ERC2: variants seen among roughly 807,000 people sequenced by gnomAD.
The protein encoded by ERC2 is ERC protein 2.
Under a neutral mutation model 114.8 loss-of-function variants are expected in ERC2, and 42 were observed. That is an observed-to-expected ratio of 0.37 (90% CI 0.29 to 0.47). ERC2 has a LOEUF of 0.47. Among genes scored for constraint, ERC2 ranks in the 20% least tolerant of loss-of-function variants. The probability of loss-of-function intolerance (pLI) is 0.99; values close to 1 mark genes in which losing one functional copy is unlikely to be tolerated. For missense variants in ERC2, 939 were observed against 1,150.7 expected (o/e 0.82, Z 2.66); for synonymous variants, 454 against 425.5 (o/e 1.07, Z -0.82).
chr3:55,837,065 A>G (rs1448944772), intron 14 of ERC2, among the ~76,000 whole-genome samples: 2 of 152,240 alleles, frequency 1.3e-5, no homozygotes, highest in Non-Finnish European at 2.9e-5. Context: ...ATACCATCTC[A>G]CACCAGTTAG....
At chr3:55,892,017 C>T (rs542572748) in intron 13 of ERC2, among the ~76,000 whole-genome samples, 24 of 152,252 alleles carry the variant, frequency 1.6e-4, no homozygotes, top group Admixed American at 3.9e-4. Flanking sequence ...GGCATTATTA[C>T]GGTGTGAGTG....
At chr3:55,599,165 C>A (rs1575715661) in intron 17 of ERC2, among the ~76,000 whole-genome samples, 1 of 152,176 alleles carries the variant, frequency 6.6e-6, no homozygotes, top group Admixed American at 6.5e-5. Flanking sequence ...ATAACTATAA[C>A]CTCCCCTGTG....
At chr3:56,169,790 T>C (rs1214628583) in intron 4 of ERC2, among the ~76,000 whole-genome samples, 1 of 149,506 alleles carries the variant, frequency 6.7e-6, no homozygotes, top group East Asian at 1.9e-4. Flanking sequence ...GAACTACCAT[T>C]ACTGTCATTC....
intron 3 of ERC2, among the ~76,000 whole-genome samples, chr3:56,261,058 C>G (rs1338410083): frequency 6.6e-6 from 1 of 152,226 alleles, no homozygotes; most frequent in Non-Finnish European, 1.5e-5. Context: ...CAGCACAGCT[C>G]TAAACTTTCC....
In ERC2 at chr3:55,885,403, C is replaced by T. The variant is rs181687778; in HGVS notation, c.2564+2986G>A. Among the ~76,000 whole-genome samples the T allele has an allele frequency of 2.8e-3, 431 of 152,328 alleles. 1 individual carries two copies. The highest frequency in any genetic ancestry group is 4.6e-3 in the Non-Finnish European group (314 of 68,030). On this transcript the variant is annotated intron_variant, in intron 14 of 17. Coordinates refer to ENST00000288221, the MANE Select transcript of ERC2 (RefSeq NM_015576.3). ...AATATACTTGCCCTGTACCTAAGTC[C>T]TCCCATAGTCCCAGGGCAGAAGCCC...
intron 3 of ERC2, among the ~76,000 whole-genome samples, chr3:56,261,374 T>C (rs1234177995): frequency 6.6e-6 from 1 of 152,238 alleles, no homozygotes; most frequent in East Asian, 1.9e-4. Context: ...ATCTACACTG[T>C]CTAGTGGACA....
intron 17 of ERC2, among the ~76,000 whole-genome samples, chr3:55,622,457 A>T (rs1167441118): frequency 6.6e-6 from 1 of 152,166 alleles, no homozygotes; most frequent in Admixed American, 6.5e-5. Flanking sequence ...GAAAAAAAAT[A>T]AAAAGTACAA....
intron 17 of ERC2, among the ~76,000 whole-genome samples, chr3:55,641,709 A>C (rs977116888): frequency 6.6e-6 from 1 of 152,040 alleles, no homozygotes; most frequent in African/African-American, 2.4e-5. Context: ...AACCTTCCCT[A>C]CTGATGCCTC....
intron 14 of ERC2, among the ~76,000 whole-genome samples, chr3:55,775,350 G>A (rs2068512706): frequency 6.6e-6 from 1 of 151,910 alleles, no homozygotes; most frequent in Admixed American, 6.6e-5. Context: ...TGATCAACAT[G>A]GTAAAACCTT....
chr3:55,666,929 AAT>A (rs10578510), intron 17 of ERC2, among the ~76,000 whole-genome samples: 120,004 of 151,886 alleles, frequency 0.79, 47,448 homozygotes, highest in Admixed American at 0.83. Context: ...CACGCCTATT[AAT>A]ATACATAATA....
rs977566158 is a variant in ERC2 at position 56,369,404 on chromosome 3, G to A, written c.657+64947C>T. ...ATGGCATCTCCATTTACACCTATAG[G>A]AACAAATGACCTTAAACAAATCAAC... On this transcript the variant is annotated intron_variant, in intron 2 of 17. Transcript: ENST00000288221. Among the ~76,000 whole-genome samples, 5 of 152,072 alleles carry A rather than the reference G, an allele frequency of 3.3e-5. No individual in the cohort carries two copies. In the South Asian group the frequency reaches 1.0e-3, roughly 31 times the overall value.
chr3:55,979,219 C>T (rs1445707452), intron 12 of ERC2, among the ~76,000 whole-genome samples: 1 of 152,208 alleles, frequency 6.6e-6, no homozygotes, highest in African/African-American at 2.4e-5. Context: ...TACACTTCAA[C>T]TCACACATCA....
chr3:56,331,438 A>G (rs2057611065), intron 2 of ERC2, among the ~76,000 whole-genome samples: 1 of 152,038 alleles, frequency 6.6e-6, no homozygotes, highest in African/African-American at 2.4e-5. Context: ...CCATTACAAT[A>G]CCCTTATTGC....
chr3:56,368,490 T>A (rs2059239095), intron 2 of ERC2, among the ~76,000 whole-genome samples: 1 of 152,212 alleles, frequency 6.6e-6, no homozygotes, highest in Non-Finnish European at 1.5e-5. Context: ...GAAGATAACC[T>A]TCAACAACAT....
intron 2 of ERC2, among the ~76,000 whole-genome samples, chr3:56,425,204 T>TC (rs1156868801): frequency 1.3e-5 from 2 of 151,562 alleles, no homozygotes; most frequent in South Asian, 2.1e-4. Context: ...CCCAACCATC[T>TC]CCCCACAAAA....
chr3:56,076,286 T>TA (rs1389767468), intron 7 of ERC2, among the ~76,000 whole-genome samples: 9 of 152,170 alleles, frequency 5.9e-5, no homozygotes, highest in Non-Finnish European at 1.2e-4. Flanking sequence ...TTAATGGGTT[T>TA]AAAAAAATTC....
chr3:56,275,112 C>A (rs1252583508), intron 3 of ERC2, among the ~76,000 whole-genome samples: 1 of 152,154 alleles, frequency 6.6e-6, no homozygotes, highest in Non-Finnish European at 1.5e-5. Context: ...ATGAGTTTTC[C>A]AGAAACACGA....
chr3:55,952,941 C>T (rs1171431149), intron 12 of ERC2, among the ~76,000 whole-genome samples: 1 of 152,062 alleles, frequency 6.6e-6, no homozygotes, highest in African/African-American at 2.4e-5. Flanking sequence ...CACCTGTAAT[C>T]CCAGCACTTT....
chr3:56,421,931 G>T (rs1350829705), intron 2 of ERC2, among the ~76,000 whole-genome samples: 1 of 151,990 alleles, frequency 6.6e-6, no homozygotes, highest in East Asian at 1.9e-4. Context: ...TAAATGGTCT[G>T]GATTCTCAAA....
Sources: gnomAD v4.1 joint callset for allele counts (sites outside exome capture counted in the v4.1 genomes callset) on GRCh38, gnomAD v4.1.1 for gene constraint, MANE v1.5 for transcripts, NCBI Gene and HGNC (gene_info 2026-07-23, HGNC 2026-07-21) for gene names.